Variants in KCNQ1OT1 observed in about 807,000 individuals in gnomAD.
KCNQ1OT1 encodes KCNQ1 antisense RNA 2 (non-protein coding).
rs547284149 is a variant in KCNQ1OT1 at position 2,699,312 on chromosome 11, G to A, written n.683C>T. The A allele has an allele frequency of 8.3e-5, 33 of 399,020 alleles. No homozygotes were observed. In the Admixed American group the frequency reaches 1.4e-3, roughly 16 times the overall value. 24.7% of individuals were successfully genotyped at this position (399,020 alleles called of 1,614,324 possible). On this transcript the variant is annotated non_coding_transcript_exon_variant, in exon 1 of 1. Transcript: ENST00000597346. ...GACGCCTGTGATCTGGGACGGCCGC[G>A]GGGCACACAGCTCACCTCAGCAACG...
rs1276653167 is a variant in KCNQ1OT1, at chr11:2,678,660, T to G, written n.21335A>C. On this transcript the variant is annotated non_coding_transcript_exon_variant, in exon 1 of 1. Coordinates refer to ENST00000597346, the Ensembl canonical transcript of KCNQ1OT1. The surrounding 1 kb of genome is among the most constrained non-coding windows in gnomAD (Gnocchi z 4.9). ...GGGAAGCTCATTTTCACAAATGCAG[T>G]CAACCAGGGGAATTCATGGCATGGC... The G allele has an allele frequency of 7.5e-6, 3 of 398,490 alleles. No individual in the cohort carries two copies. The Admixed American group carries it at 1.3e-4, about 18-fold the overall frequency. 24.7% of individuals were successfully genotyped at this position (398,490 alleles called of 1,614,324 possible). A position where few individuals can be genotyped will look rare whatever the true frequency, so the allele number is the denominator to read the frequency against.
In KCNQ1OT1 at chr11:2,612,252, C is replaced by T; in HGVS notation, n.87743G>A. 1 of 398,596 alleles carries T rather than the reference C, an allele frequency of 2.5e-6. No homozygotes were observed. The highest frequency in any genetic ancestry group is 4.4e-6 in the Non-Finnish European group (1 of 226,080). The allele number at this position is 398,596 out of a possible 1,614,324, so 24.7% of individuals were successfully genotyped here. A position where few individuals can be genotyped will look rare whatever the true frequency, so the allele number is the denominator to read the frequency against. Reference sequence around the variant, plus strand: ...GATGGCATTAGATTCTCACAGAGAGCAAATCCTATTGTGAACTGAGCATGT... The same window carrying T: ...GATGGCATTAGATTCTCACAGAGAGTAAATCCTATTGTGAACTGAGCATGT... On this transcript the variant is annotated non_coding_transcript_exon_variant, in exon 1 of 1. Coordinates refer to ENST00000597346, the Ensembl canonical transcript of KCNQ1OT1. This position sits in a 1 kb window ranked among gnomAD's most constrained non-coding sequence, Gnocchi z 5.5.
rs231362 is a variant in KCNQ1OT1, at chr11:2,670,241, A to G, written n.29754T>C. The G allele has an allele frequency of 0.6, 237,755 of 398,376 alleles. 74,265 individuals carry two copies. Among genetic ancestry groups the G allele is most frequent in the East Asian group, 0.9 (25,250 of 28,062 alleles). The allele number at this position is 398,376 out of a possible 1,614,324, so 24.7% of individuals were successfully genotyped here. A position where few individuals can be genotyped will look rare whatever the true frequency, so the allele number is the denominator to read the frequency against. ...AGCTCACCTGCCTTTGACCCTGCAC[A>G]TGACGGGCGAGGGAAGAGGACCATG... is the stretch of plus-strand genomic sequence containing the variant. On this transcript the variant is annotated non_coding_transcript_exon_variant, in exon 1 of 1. Transcript: ENST00000597346. The surrounding 1 kb of genome is among the most constrained non-coding windows in gnomAD (Gnocchi z 4.9).
Position 2,647,237 on chromosome 11 carries a change from AT to A in KCNQ1OT1, n.52757del. ...TCTGCATCTATTGAGATGATCATGTATTTTTTTGTCCTTCCTTCTGTTAATG... is the reference window on the plus strand; with the variant it reads ...TCTGCATCTATTGAGATGATCATGTATTTTTTGTCCTTCCTTCTGTTAATG... On this transcript the variant is annotated non_coding_transcript_exon_variant, in exon 1 of 1. Coordinates refer to ENST00000597346, the Ensembl canonical transcript of KCNQ1OT1. The surrounding 1 kb of genome is among the most constrained non-coding windows in gnomAD (Gnocchi z 4.0). 5.0e-6 allele frequency: 2 copies of A among 397,964 alleles called. No homozygotes were observed. Among genetic ancestry groups the A allele is most frequent in the Non-Finnish European group, 8.9e-6 (2 of 225,904 alleles). 24.7% of individuals were successfully genotyped at this position (397,964 alleles called of 1,614,324 possible).
Position 2,655,517 on chromosome 11 carries a change from C to T in KCNQ1OT1, n.44478G>A, listed in dbSNP as rs1001875745. ...TCCAGATGAACTGCCCTTTCAAGTA[C>T]ACCATGGGCTCAACCTTCTCTGCAG... On this transcript the variant is annotated non_coding_transcript_exon_variant, in exon 1 of 1. Coordinates refer to ENST00000597346, the Ensembl canonical transcript of KCNQ1OT1. The T allele has an allele frequency of 1.5e-5, 6 of 398,608 alleles. No homozygotes were observed. In the Admixed American group the frequency reaches 1.8e-4, roughly 12 times the overall value. The allele number at this position is 398,608 out of a possible 1,614,324, so 24.7% of individuals were successfully genotyped here. A position where few individuals can be genotyped will look rare whatever the true frequency, so the allele number is the denominator to read the frequency against.
Position 2,623,444 on chromosome 11 carries a change from C to T in KCNQ1OT1, n.76551G>A. The T allele has an allele frequency of 2.5e-6, 1 of 398,596 alleles. No individual in the cohort carries two copies. The highest frequency in any genetic ancestry group is 4.4e-6 in the Non-Finnish European group (1 of 226,066). The allele number at this position is 398,596 out of a possible 1,614,324, so 24.7% of individuals were successfully genotyped here. ...TATTCAACCCTTCTTCCCCAACAAC[C>T]CTTGGCAACCACTGAACTTTTTACT... On this transcript the variant is annotated non_coding_transcript_exon_variant, in exon 1 of 1. Transcript: ENST00000597346. The surrounding 1 kb of genome is among the most constrained non-coding windows in gnomAD (Gnocchi z 5.2).
In KCNQ1OT1 at chr11:2,653,605, C is replaced by T; in HGVS notation, n.46390G>A. On this transcript the variant is annotated non_coding_transcript_exon_variant, in exon 1 of 1. Coordinates refer to ENST00000597346, the Ensembl canonical transcript of KCNQ1OT1. This position sits in a 1 kb window ranked among gnomAD's most constrained non-coding sequence, Gnocchi z 5.3. ...CTTTCCCTTGCTCTCTATCCATTGGCCCCATGGGATGGCTGTATCCTTAGG... is the reference window on the plus strand; with the variant it reads ...CTTTCCCTTGCTCTCTATCCATTGGTCCCATGGGATGGCTGTATCCTTAGG... 1 of 398,664 alleles carries T rather than the reference C, an allele frequency of 2.5e-6. No homozygotes were observed. Among genetic ancestry groups the T allele is most frequent in the Non-Finnish European group, 4.4e-6 (1 of 226,096 alleles). 24.7% of individuals were successfully genotyped at this position (398,664 alleles called of 1,614,324 possible). A position where few individuals can be genotyped will look rare whatever the true frequency, so the allele number is the denominator to read the frequency against.
At chr11:2,667,284 G>A (rs1850093865) in exon 1 of KCNQ1OT1, 1 of 398,626 alleles carries the variant, frequency 2.5e-6, no homozygotes, top group Non-Finnish European at 4.4e-6. Context: ...CTGCTGCTAT[G>A]GGGAGAGGGC....
chr11:2,649,111 G>T, exon 1 of KCNQ1OT1: 1 of 395,460 alleles, frequency 2.5e-6, no homozygotes, highest in Non-Finnish European at 4.4e-6. Context: ...CTTTACAGGT[G>T]AAGTCAGTTT....
exon 1 of KCNQ1OT1, chr11:2,685,659 C>A (rs1238214278): frequency 2.5e-6 from 1 of 398,536 alleles, no homozygotes; most frequent in African/African-American, 2.1e-5. Flanking sequence ...CACACAGGTA[C>A]CAGAAGTTCA....
Position 2,661,828 on chromosome 11 carries a change from T to A in KCNQ1OT1, n.38167A>T. 9.3e-7 allele frequency: 1 copy of A among 1,079,258 alleles called. No homozygotes were observed. Among genetic ancestry groups the A allele is most frequent in the Non-Finnish European group, 1.4e-6 (1 of 711,896 alleles). 66.9% of individuals were successfully genotyped at this position (1,079,258 alleles called of 1,614,324 possible). ...CCACCCCAACACCCAACTATAAAAC[T>A]GATTGTCAGGGCTGGAGCTTCCAGG... On this transcript the variant is annotated non_coding_transcript_exon_variant, in exon 1 of 1. Coordinates refer to ENST00000597346, the Ensembl canonical transcript of KCNQ1OT1. This position sits in a 1 kb window ranked among gnomAD's most constrained non-coding sequence, Gnocchi z 5.9.
exon 1 of KCNQ1OT1, chr11:2,649,010 A>G (rs1481404129): frequency 1.8e-5 from 5 of 272,212 alleles, no homozygotes; most frequent in African/African-American, 5.6e-5. Flanking sequence ...TTTTTGACTC[A>G]GTATTTTTTG....
chr11:2,627,150 G>C lies in KCNQ1OT1; in HGVS notation n.72845C>G, dbSNP rs1849274453. ...GACTTTCACCTCCTTGGTAAAGTTGGTTCCTAAGTTTGTTATTCTTGATGC... is the reference window on the plus strand; with the variant it reads ...GACTTTCACCTCCTTGGTAAAGTTGCTTCCTAAGTTTGTTATTCTTGATGC... On this transcript the variant is annotated non_coding_transcript_exon_variant, in exon 1 of 1. Transcript: ENST00000597346. The surrounding 1 kb of genome is among the most constrained non-coding windows in gnomAD (Gnocchi z 4.9). 1 of 398,446 alleles carries C rather than the reference G, an allele frequency of 2.5e-6. No individual in the cohort carries two copies. The highest frequency in any genetic ancestry group is 4.4e-6 in the Non-Finnish European group (1 of 226,030). The allele number at this position is 398,446 out of a possible 1,614,324, so 24.7% of individuals were successfully genotyped here. A position where few individuals can be genotyped will look rare whatever the true frequency, so the allele number is the denominator to read the frequency against.
chr11:2,614,811 G>C (rs1480545231), exon 1 of KCNQ1OT1: 1 of 398,252 alleles, frequency 2.5e-6, no homozygotes, highest in African/African-American at 2.1e-5. Flanking sequence ...TAAAAGTTTT[G>C]AAAATGGCAG....
In KCNQ1OT1 at chr11:2,658,103, A is replaced by G. The variant is rs1194913779; in HGVS notation, n.41892T>C. Reference sequence around the variant, plus strand: ...GGGGTTCAACTCTACCTCCTGCAGGAGAGTATCAAAAAAAATCTGCAAATA... The same window carrying G: ...GGGGTTCAACTCTACCTCCTGCAGGGGAGTATCAAAAAAAATCTGCAAATA... On this transcript the variant is annotated non_coding_transcript_exon_variant, in exon 1 of 1. Transcript: ENST00000597346. The surrounding 1 kb of genome is among the most constrained non-coding windows in gnomAD (Gnocchi z 4.9). The G allele has an allele frequency of 2.5e-6, 1 of 398,472 alleles. No homozygotes were observed. Among genetic ancestry groups the G allele is most frequent in the Non-Finnish European group, 4.4e-6 (1 of 226,060 alleles). The allele number at this position is 398,472 out of a possible 1,614,324, so 24.7% of individuals were successfully genotyped here.
At chr11:2,656,191 T>C in exon 1 of KCNQ1OT1, 1 of 398,554 alleles carries the variant, frequency 2.5e-6, no homozygotes, top group East Asian at 3.6e-5. Context: ...CTTCCTTCCT[T>C]TAAAAAAAAT....
At chr11:2,667,185 C>T in exon 1 of KCNQ1OT1, 4 of 398,688 alleles carry the variant, frequency 1.0e-5, no homozygotes, top group Admixed American at 8.8e-5. Flanking sequence ...GCCATCAGCC[C>T]AGCTGTGGCG....
chr11:2,685,765 G>A (rs1035933040), exon 1 of KCNQ1OT1: 15 of 398,588 alleles, frequency 3.8e-5, no homozygotes, highest in Non-Finnish European at 4.9e-5. Context: ...ATCCTCCCAG[G>A]TGGCAGTGAG....
In KCNQ1OT1 at chr11:2,664,636, C is replaced by T. The variant is rs1181646488; in HGVS notation, n.35359G>A. The T allele has an allele frequency of 2.3e-5, 9 of 398,614 alleles. No individual in the cohort carries two copies. The highest frequency in any genetic ancestry group is 3.5e-5 in the Non-Finnish European group (8 of 226,194). 24.7% of individuals were successfully genotyped at this position (398,614 alleles called of 1,614,324 possible). On this transcript the variant is annotated non_coding_transcript_exon_variant, in exon 1 of 1. Transcript: ENST00000597346. This position sits in a 1 kb window ranked among gnomAD's most constrained non-coding sequence, Gnocchi z 5.1. ...GCCCAGTGATGCCCATAATTAAATT[C>T]GGCTCCAGCTGCTCAGGGATGCAGC...
Sources: gnomAD v4.1 joint callset for allele counts on GRCh38, gnomAD v4.1.1 for gene constraint, Gnocchi (gnomAD v3.1) non-coding constraint, MANE v1.5 for transcripts, NCBI Gene and HGNC (gene_info 2026-07-23, HGNC 2026-07-21) for gene names.